CSNK2A1: variants seen among roughly 807,000 people sequenced by gnomAD.
The protein encoded by CSNK2A1 is casein kinase 2 alpha 1, also known as casein kinase II subunit alpha.
In CSNK2A1, 10 loss-of-function variants were observed where a neutral mutation model predicts 62.9. The ratio of observed to expected loss-of-function variants is 0.16; its 90% CI spans 0.10 to 0.27. The LOEUF (loss-of-function observed/expected upper bound fraction) is 0.27, where lower values mean the gene tolerates loss of function less well. Among genes scored for constraint, CSNK2A1 ranks in the 10% least tolerant of loss-of-function variants. CSNK2A1 has a pLI of 1.00. For missense variants in CSNK2A1, 160 were observed against 492.0 expected, an observed-to-expected ratio of 0.33 and a Z score of 6.38; for synonymous variants, 124 against 167.8, an observed-to-expected ratio of 0.74 and a Z score of 2.02.
chr20:501,424 A>G (rs1316669846), intron 4 of CSNK2A1: 2 of 152,240 alleles, frequency 1.3e-5, no homozygotes, highest in Non-Finnish European at 2.9e-5. Flanking sequence ...GAAATATAAT[A>G]CAAACCACAT....
intron 2 of CSNK2A1, among the ~76,000 whole-genome samples, chr20:522,458 T>C (rs1600404190): frequency 6.6e-6 from 1 of 152,212 alleles, no homozygotes; most frequent in South Asian, 2.1e-4. Flanking sequence ...AAACCTGTAT[T>C]GAAGGACATT....
chr20:499,230 C>G lies in CSNK2A1; in HGVS notation c.366+25G>C. Reference sequence around the variant, plus strand: ...TATGTGGTCTAAAAACCCACTAGCCCGAAACAGTTGGTTATATATTATACC... The same window carrying G: ...TATGTGGTCTAAAAACCCACTAGCCGGAAACAGTTGGTTATATATTATACC... On this transcript the variant is annotated intron_variant, in intron 6 of 13. Coordinates refer to ENST00000217244, the MANE Select transcript of CSNK2A1 (RefSeq NM_177559.3). This position sits in a 1 kb window ranked among gnomAD's most constrained non-coding sequence, Gnocchi z 4.2. 1 of 1,574,110 alleles carries G rather than the reference C, an allele frequency of 6.4e-7. No individual in the cohort carries two copies. The highest frequency in any genetic ancestry group is 1.2e-5 in the South Asian group (1 of 82,978).
rs2017956757 is a variant in CSNK2A1 at position 481,544 on chromosome 20, G to A, written c.*2417C>T. 7.7e-6 allele frequency: 1 copy of A among 130,308 alleles called. No individual in the cohort carries two copies. The highest frequency in any genetic ancestry group is 1.5e-5 in the Non-Finnish European group (1 of 65,626). 8.1% of individuals were successfully genotyped at this position (130,308 alleles called of 1,614,324 possible). ...TTTTCTCTCTCTCCATGCTTCTGCA[G>A]TGACTCTTAAGTAGCATTTTTAAAA... On this transcript the variant is annotated 3_prime_UTR_variant, in exon 14 of 14. Transcript: ENST00000217244.
At chr20:542,447 T>C (rs1401541652) in intron 1 of CSNK2A1, among the ~76,000 whole-genome samples, 2 of 152,230 alleles carry the variant, frequency 1.3e-5, no homozygotes, top group Non-Finnish European at 2.9e-5. Flanking sequence ...TTCTTTTTTC[T>C]TTTTGAGGCG....
intron 3 of CSNK2A1, 66 bp downstream of exon 3, chr20:508,385 C>T: frequency 1.3e-6 from 2 of 1,566,212 alleles, no homozygotes; most frequent in Non-Finnish European, 1.7e-6. Flanking sequence ...CTGACAAAAA[C>T]TACTCAACAG....
intron 2 of CSNK2A1, among the ~76,000 whole-genome samples, chr20:527,721 G>C (rs1232826517): frequency 7.2e-6 from 1 of 139,732 alleles, no homozygotes; most frequent in African/African-American, 2.6e-5. Context: ...TCTCTTGGTG[G>C]ATGCCCCGTG....
chr20:521,882 C>T (rs1433367942), intron 2 of CSNK2A1, among the ~76,000 whole-genome samples: 1 of 152,174 alleles, frequency 6.6e-6, no homozygotes, highest in Non-Finnish European at 1.5e-5. Context: ...AGCTGCTACA[C>T]CTGACCAACA....
At chr20:539,376 G>C (rs2019400613) in intron 1 of CSNK2A1, 1 of 152,168 alleles carries the variant, frequency 6.6e-6, no homozygotes, top group African/African-American at 2.4e-5. Context: ...TGTCAGCTGG[G>C]ACTGGCCTTT....
chr20:493,689 T>C (rs1189793823), intron 8 of CSNK2A1, among the ~76,000 whole-genome samples: 2 of 152,234 alleles, frequency 1.3e-5, no homozygotes, highest in African/African-American at 4.8e-5. Context: ...TGTGTTTCTA[T>C]GCAATTTCAT....
At chr20:531,439 A>C (rs974819739) in intron 1 of CSNK2A1, among the ~76,000 whole-genome samples, 2 of 152,192 alleles carry the variant, frequency 1.3e-5, no homozygotes, top group African/African-American at 4.8e-5. Flanking sequence ...TAAATATATA[A>C]ATTTACAAAT....
intron 4 of CSNK2A1, chr20:504,071 T>C: frequency 6.5e-6 from 1 of 153,342 alleles, no homozygotes. Context: ...CCCAGCTACT[T>C]GGGAGGCTAA....
At chr20:527,513 C>A (rs1389871475) in intron 2 of CSNK2A1, among the ~76,000 whole-genome samples, 2 of 152,174 alleles carry the variant, frequency 1.3e-5, no homozygotes, top group East Asian at 3.8e-4. Context: ...ACTCACCCTT[C>A]AAGAATCAGC....
intron 1 of CSNK2A1, chr20:540,862 T>C (rs1449989008): frequency 6.6e-6 from 1 of 152,238 alleles, no homozygotes; most frequent in Non-Finnish European, 1.5e-5. Context: ...TGGGCTTGGC[T>C]AGCTAGGTCT....
chr20:499,234 A>C lies in CSNK2A1; in HGVS notation c.366+21T>G. 6.3e-7 allele frequency: 1 copy of C among 1,579,474 alleles called. No homozygotes were observed. ...TGGTCTAAAAACCCACTAGCCCGAA[A>C]CAGTTGGTTATATATTATACCTTGA... On this transcript the variant is annotated intron_variant, in intron 6 of 13. Transcript: ENST00000217244. This position sits in a 1 kb window ranked among gnomAD's most constrained non-coding sequence, Gnocchi z 4.2.
At chr20:512,537 C>T (rs914547941) in intron 2 of CSNK2A1, among the ~76,000 whole-genome samples, 6 of 152,182 alleles carry the variant, frequency 3.9e-5, no homozygotes, top group African/African-American at 1.2e-4. Flanking sequence ...ATGGTGTCGG[C>T]AGCTAAAGGC....
Position 483,684 on chromosome 20 carries a change from G to T in CSNK2A1, c.*277C>A. 1 of 222,052 alleles carries T rather than the reference G, an allele frequency of 4.5e-6. No homozygotes were observed. The highest frequency in any genetic ancestry group is 8.7e-6 in the Non-Finnish European group (1 of 114,738). 13.8% of individuals were successfully genotyped at this position (222,052 alleles called of 1,614,324 possible). Reference sequence around the variant, plus strand: ...TGTGATGAGGAACTAAATTTGGGAGGGGAGAAAAAAAAATTTGTCCATGAA... The same window carrying T: ...TGTGATGAGGAACTAAATTTGGGAGTGGAGAAAAAAAAATTTGTCCATGAA... On this transcript the variant is annotated 3_prime_UTR_variant, in exon 14 of 14. Transcript: ENST00000217244.
chr20:517,694 C>T (rs1243217985), intron 2 of CSNK2A1, among the ~76,000 whole-genome samples: 1 of 152,086 alleles, frequency 6.6e-6, no homozygotes, highest in Non-Finnish European at 1.5e-5. Flanking sequence ...CACTTTAAAG[C>T]AAGTTAAGAA....
rs764556525 is a variant in CSNK2A1 at position 499,467 on chromosome 20, G to A, written c.316-162C>T. ...AGCCCTCCCCGCTCTGATCATCACC[G>A]CACTTAGGTCATTTTTGGGATGGAT... On this transcript the variant is annotated intron_variant, in intron 5 of 13. Transcript: ENST00000217244. The surrounding 1 kb of genome is among the most constrained non-coding windows in gnomAD (Gnocchi z 4.2). 8 of 579,864 alleles carry A rather than the reference G, an allele frequency of 1.4e-5. No individual in the cohort carries two copies. The highest frequency in any genetic ancestry group is 2.1e-5 in the Non-Finnish European group (7 of 341,422). The allele number at this position is 579,864 out of a possible 1,614,324, so 35.9% of individuals were successfully genotyped here.
rs555410684 is a variant in CSNK2A1 at position 477,928 on chromosome 20, A to C, written c.*6033T>G. On this transcript the variant is annotated 3_prime_UTR_variant, in exon 14 of 14. Transcript: ENST00000217244. ...AAACAAAACAAAACAAAAAAACCCC[A>C]GTTACATTCAGGATGAATTCTGCCT... The C allele has an allele frequency of 2.0e-5, 3 of 152,132 alleles. No homozygotes were observed. Among genetic ancestry groups the C allele is most frequent in the Non-Finnish European group, 4.4e-5 (3 of 68,036 alleles). The allele number at this position is 152,132 out of a possible 1,614,324, so 9.4% of individuals were successfully genotyped here.
Sources: allele counts gnomAD v4.1 joint callset (sites outside exome capture counted in the v4.1 genomes callset), GRCh38; gene constraint gnomAD v4.1.1; non-coding constraint Gnocchi (gnomAD v3.1); transcripts MANE v1.5; gene names NCBI Gene and HGNC (gene_info 2026-07-23, HGNC 2026-07-21).